NOS1: variants seen among roughly 807,000 people sequenced by gnomAD.
NOS1 encodes NOS type I.
Under a neutral mutation model 164.5 loss-of-function variants are expected in NOS1, and 51 were observed. The observed-to-expected ratio is 0.31, with a 90% CI of 0.25 to 0.39. The LOEUF is 0.39. Ranked by LOEUF, NOS1 falls within the 10% of genes least tolerant of loss-of-function variation. NOS1 has a pLI of 1.00. For missense variants in NOS1, 1,362 were observed against 1,885.6 expected (o/e 0.72, Z 5.14); for synonymous variants, 719 against 745.8 (o/e 0.96, Z 0.59).
At chr12:117,291,070 C>T (rs1453004015) in intron 3 of NOS1, among the ~76,000 whole-genome samples, 2 of 151,938 alleles carry the variant, frequency 1.3e-5, no homozygotes, top group Non-Finnish European at 2.9e-5. Context: ...AAAAATTAGC[C>T]AGGTGTGGTA....
intron 1 of NOS1, among the ~76,000 whole-genome samples, chr12:117,346,746 C>G (rs933781014): frequency 7.2e-5 from 11 of 152,196 alleles, no homozygotes; most frequent in Non-Finnish European, 1.2e-4. Flanking sequence ...AACACTGGTA[C>G]GGTTTGCTTC....
chr12:117,287,597 C>A (rs1053707868), intron 5 of NOS1, among the ~76,000 whole-genome samples: 3 of 152,120 alleles, frequency 2.0e-5, no homozygotes, highest in Non-Finnish European at 4.4e-5. Context: ...CACCACCATG[C>A]CCTACTAATT....
intron 1 of NOS1, among the ~76,000 whole-genome samples, chr12:117,333,679 T>C (rs888600384): frequency 6.6e-6 from 1 of 152,100 alleles, no homozygotes; most frequent in Non-Finnish European, 1.5e-5. Flanking sequence ...CGTTGCTCTG[T>C]GTGTGTGTTT....
intron 10 of NOS1, among the ~76,000 whole-genome samples, chr12:117,271,578 G>C (rs1053281930): frequency 6.6e-6 from 1 of 152,060 alleles, no homozygotes; most frequent in East Asian, 1.9e-4. Context: ...CCAGCCAACC[G>C]GTGGATTTTT....
At chr12:117,359,859 G>C (rs1422627892) in intron 1 of NOS1, among the ~76,000 whole-genome samples, 2 of 114,834 alleles carry the variant, frequency 1.7e-5, no homozygotes, top group African/African-American at 6.4e-5. Flanking sequence ...CGGTCCCAGA[G>C]CATTACAATA....
At chr12:117,282,333 G>A (rs1219046201) in intron 7 of NOS1, among the ~76,000 whole-genome samples, 1 of 152,184 alleles carries the variant, frequency 6.6e-6, no homozygotes, top group Non-Finnish European at 1.5e-5. Flanking sequence ...TGGAAACATG[G>A]TCCTGGCTTC....
At chr12:117,265,957 A>ATT (rs60817517) in intron 11 of NOS1, among the ~76,000 whole-genome samples, 11 of 143,948 alleles carry the variant, frequency 7.6e-5, no homozygotes, top group South Asian at 2.2e-4. Context: ...CGCCTGGCTA[A>ATT]TTTTTTTTTT....
chr12:117,290,176 C>T, intron 4 of NOS1, 122 bp downstream of exon 4: 1 of 1,206,242 alleles, frequency 8.3e-7, no homozygotes, highest in Non-Finnish European at 1.2e-6. Flanking sequence ...GGGTATGGGT[C>T]AGGGGTGGTG....
chr12:117,215,721 C>T (rs1421149792), intron 28 of NOS1, among the ~76,000 whole-genome samples: 1 of 152,152 alleles, frequency 6.6e-6, no homozygotes, highest in African/African-American at 2.4e-5. Flanking sequence ...GCGTGAGCCA[C>T]TGCACCCGGC....
At chr12:117,227,932 G>A (rs1868848286) in intron 22 of NOS1, among the ~76,000 whole-genome samples, 2 of 152,046 alleles carry the variant, frequency 1.3e-5, no homozygotes, top group Admixed American at 6.6e-5. Flanking sequence ...TTGGGAGGAT[G>A]AGGTGGGAGG....
chr12:117,213,244 G>A lies in NOS1; in HGVS notation c.*2065C>T. 1 of 985,450 alleles carries A rather than the reference G, an allele frequency of 1.0e-6. No homozygotes were observed. 61.0% of individuals were successfully genotyped at this position (985,450 alleles called of 1,614,324 possible). On this transcript the variant is annotated 3_prime_UTR_variant, in exon 29 of 29. Transcript: ENST00000317775. ...GTTTCCTTCCCTGGGGAATTGGGGA[G>A]GCGTCTCCAAAGCTATAAAGGATTG...
At chr12:117,287,337 A>G (rs975851691) in intron 5 of NOS1, among the ~76,000 whole-genome samples, 8 of 142,090 alleles carry the variant, frequency 5.6e-5, no homozygotes, top group Non-Finnish European at 9.1e-5. Flanking sequence ...ATTAACATGC[A>G]GAGCGCTAAT....
intron 3 of NOS1, among the ~76,000 whole-genome samples, chr12:117,298,773 C>T (rs966776799): frequency 7.9e-5 from 12 of 152,278 alleles, no homozygotes; most frequent in Admixed American, 5.9e-4. Flanking sequence ...CCAGCACCGC[C>T]AACACCTTGA....
rs552152438 is a variant in NOS1 at position 117,280,014 on chromosome 12, A to G, written c.1524+711T>C. On this transcript the variant is annotated intron_variant, in intron 8 of 28. Coordinates refer to ENST00000317775, the MANE Select transcript of NOS1 (RefSeq NM_000620.5). The stretch of plus-strand genomic sequence containing the variant: ...GGGTATTATTTGGGTGATAAAGGAA[A>G]GGTGGTAGCAGGCCTGTGTGCCTGA... Among the ~76,000 whole-genome samples, 5 of 152,314 alleles carry G rather than the reference A, an allele frequency of 3.3e-5. No homozygotes were observed. The East Asian group carries it at 9.6e-4, about 29-fold the overall frequency.
chr12:117,306,754 AGATTACAG>A (rs1874170301), intron 3 of NOS1, among the ~76,000 whole-genome samples: 1 of 151,940 alleles, frequency 6.6e-6, no homozygotes, highest in South Asian at 2.1e-4. Flanking sequence ...TGAGTAGCTG[AGATTACAG>A]GTGCCTACCA....
rs1956522620 is a variant in NOS1, at chr12:117,211,233, C to T, written c.*4076G>A. 1.0e-6 allele frequency: 1 copy of T among 984,990 alleles called. No individual in the cohort carries two copies. The allele number at this position is 984,990 out of a possible 1,614,324, so 61.0% of individuals were successfully genotyped here. ...TCGGCCTCCCAAAGTGCTGGGATTA[C>T]AGACATGAGCTACCGCGCCCAGCCT... is the stretch of plus-strand genomic sequence containing the variant. On this transcript the variant is annotated 3_prime_UTR_variant, in exon 29 of 29. Transcript: ENST00000317775.
At chr12:117,313,398 G>A (rs1198571359) in intron 2 of NOS1, among the ~76,000 whole-genome samples, 4 of 152,032 alleles carry the variant, frequency 2.6e-5, no homozygotes, top group East Asian at 1.9e-4. Context: ...AGGCTCGAGC[G>A]ATCCTCCCAC....
chr12:117,287,298 A>G (rs1440105005), intron 5 of NOS1, among the ~76,000 whole-genome samples: 1 of 152,224 alleles, frequency 6.6e-6, no homozygotes, highest in Non-Finnish European at 1.5e-5. Flanking sequence ...TTTTGCTCAA[A>G]GTTAGCTATG....
Position 117,225,073 on chromosome 12 carries a change from C to T in NOS1, c.3769G>A (p.Gly1257Ser). ...VPCILVGPGT[G>S]IAPFRSFWQQ... The stretch of plus-strand genomic sequence containing the variant: ...CAGAAGCTTCGGAAAGGGGCAATGC[C>T]GGTGCCTGGTCCAACGAGGATGCAG... Residue 1257 changes from glycine (G) to serine (S), a missense_variant, in exon 25 of 29, where the codon GGC becomes AGC. By Grantham distance (56) the Gly-to-Ser change is moderately conservative (BLOSUM62 0). Transcript: ENST00000317775. 6.2e-6 allele frequency: 10 copies of T among 1,614,170 alleles called. No individual in the cohort carries two copies. Among genetic ancestry groups the T allele is most frequent in the East Asian group, 2.2e-5 (1 of 44,882 alleles).
Sources: allele counts gnomAD v4.1 joint callset (sites outside exome capture counted in the v4.1 genomes callset), GRCh38; gene constraint gnomAD v4.1.1; transcripts MANE v1.5; gene names NCBI Gene and HGNC (gene_info 2026-07-23, HGNC 2026-07-21).